ITGA5: variants seen among roughly 807,000 people sequenced by gnomAD.
The protein encoded by ITGA5 is integrin subunit alpha 5, also known as integrin alpha-5.
ITGA5 carries 55 observed loss-of-function variants against 146.3 expected under a neutral mutation model. That is an observed-to-expected ratio of 0.38 (90% CI 0.30 to 0.47). The LOEUF (loss-of-function observed/expected upper bound fraction) is 0.47. Ranked by LOEUF, ITGA5 falls within the 20% of genes least tolerant of loss-of-function variation. The pLI is 0.99. For synonymous variants in ITGA5, 500 were observed against 531.8 expected (o/e 0.94, Z 0.82); for missense variants, 1,131 against 1,329.0 (o/e 0.85, Z 2.32).
Position 54,396,221 on chromosome 12 carries a change from A to T in ITGA5, c.*72T>A. The stretch of plus-strand genomic sequence containing the variant: ...GTCAGCACCTTCAAGAAGTACCCAG[A>T]CCCCTCCTTTTCAGTAGAATGAGGG... On this transcript the variant is annotated 3_prime_UTR_variant, in exon 30 of 30. Transcript: ENST00000293379. The T allele has an allele frequency of 8.1e-7, 1 of 1,236,502 alleles. No homozygotes were observed. Among genetic ancestry groups the T allele is most frequent in the South Asian group, 1.2e-5 (1 of 82,314 alleles). 76.6% of individuals were successfully genotyped at this position (1,236,502 alleles called of 1,614,324 possible). A position where few individuals can be genotyped will look rare whatever the true frequency, so the allele number is the denominator to read the frequency against.
Position 54,401,914 on chromosome 12 carries a change from G to A in ITGA5, c.2227-59C>T, listed in dbSNP as rs1481276203. On this transcript the variant is annotated intron_variant, in intron 21 of 29. Coordinates refer to ENST00000293379, the MANE Select transcript of ITGA5 (RefSeq NM_002205.5). This position sits in a 1 kb window ranked among gnomAD's most constrained non-coding sequence, Gnocchi z 5.0. ...AGACTGTGTATTTCACCCTCCCTCCGCACCTCACAGCTGTGCTCTCGGCTG... is the reference window on the plus strand; with the variant it reads ...AGACTGTGTATTTCACCCTCCCTCCACACCTCACAGCTGTGCTCTCGGCTG... 1.2e-5 allele frequency: 19 copies of A among 1,590,828 alleles called. No individual in the cohort carries two copies. Among genetic ancestry groups the A allele is most frequent in the South Asian group, 3.3e-5 (3 of 90,582 alleles).
At chr12:54,418,859 G>A in intron 1 of ITGA5, 122 bp downstream of exon 1, 1 of 1,204,282 alleles carries the variant, frequency 8.3e-7, no homozygotes. Context: ...CCCAACTGCA[G>A]CTCTATTCCT....
rs202050846 is a variant in ITGA5, at chr12:54,405,369, T to C, written c.1022A>G (p.Asp341Gly). The C allele has an allele frequency of 1.2e-4, 190 of 1,604,398 alleles. 2 individuals are homozygous for C. In the East Asian group the frequency reaches 4.3e-3, roughly 36 times the overall value. Residue 341 changes from aspartate to glycine, a missense_variant, in exon 12 of 30, where the codon GAT (aspartate) becomes GGT (glycine). Physicochemically the swap from Asp to Gly is moderately conservative, Grantham distance 94. Transcript: ENST00000293379. ...CAGGGGTGCCCCCACCAGCAAGTCA[T>C]CCAGCCTGAGGGGAAGGGCAAACCC... Reference protein sequence around the residue: ...AATDVNGDGLDDLLVGAPLLM... With the variant: ...AATDVNGDGLGDLLVGAPLLM...
chr12:54,404,509 AG>A, intron 13 of ITGA5, 34 bp from the exon 14 acceptor site: 1 of 1,612,834 alleles, frequency 6.2e-7, no homozygotes, highest in Non-Finnish European at 8.5e-7. Context: ...TCTTACAGCA[AG>A]CCCCAGATCA....
intron 27 of ITGA5, 57 bp downstream of exon 27, chr12:54,399,588 G>T: frequency 8.1e-7 from 1 of 1,233,278 alleles, no homozygotes; most frequent in Non-Finnish European, 1.2e-6. Flanking sequence ...GAAAGGGGTG[G>T]GTCAGTCTAA....
intron 19 of ITGA5, 124 bp from the exon 20 acceptor site, chr12:54,402,454 T>G (rs1189425435): frequency 1.2e-6 from 1 of 859,208 alleles, no homozygotes; most frequent in Non-Finnish European, 1.8e-6. Context: ...CCCAGCACTT[T>G]GGGAGGCTGA....
chr12:54,411,972 G>A lies in ITGA5; in HGVS notation c.219-8C>T. The A allele has an allele frequency of 6.4e-7, 1 of 1,563,144 alleles. No individual in the cohort carries two copies. The stretch of plus-strand genomic sequence containing the variant: ...CCCACCAGCACACTGACCCTGTGGG[G>A]GGGAAAAGCGAGGCAGTTGAGGATG... On this transcript the variant is annotated splice_polypyrimidine_tract_variant and splice_region_variant and intron_variant, in intron 1 of 29. Coordinates refer to ENST00000293379, the MANE Select transcript of ITGA5 (RefSeq NM_002205.5).
chr12:54,396,740 G>A (rs1008069248), intron 29 of ITGA5, among the ~76,000 whole-genome samples: 1 of 152,198 alleles, frequency 6.6e-6, no homozygotes, highest in Non-Finnish European at 1.5e-5. Flanking sequence ...CTGGAGTGCA[G>A]TGGCATGATC....
At chr12:54,398,437 T>G (rs977246787) in intron 28 of ITGA5, among the ~76,000 whole-genome samples, 160 bp downstream of exon 28, 31 of 152,314 alleles carry the variant, frequency 2.0e-4, no homozygotes, top group African/African-American at 7.5e-4. Context: ...ATGTTGATCT[T>G]GCTTACCACT....
intron 1 of ITGA5, chr12:54,413,429 G>T (rs1419210335): frequency 6.6e-6 from 1 of 152,408 alleles, no homozygotes. Context: ...CTGAAGTTAG[G>T]AGGGGTGGGG....
rs749141980 is a variant in ITGA5 at position 54,399,896 on chromosome 12, G to C, written c.2695C>G (p.Arg899Gly). Residue 899 changes from arginine to glycine, a missense_variant, in exon 26 of 30, where the codon CGC (arginine) becomes GGC (glycine). Around this residue, in one of 3 missense-constraint regions of ITGA5, gnomAD observed 889 missense variants for 1,021.5 expected, o/e 0.87. Transcript: ENST00000293379. ...HHQQKREAPSRSSASSGPQIL... is the reference protein window; with the variant it reads ...HHQQKREAPSGSSASSGPQIL... The stretch of plus-strand genomic sequence containing the variant: ...TGAGGTCCCGAGGAAGCAGAGCTGC[G>C]GCTTGGAGCTTCCCGTTTTTGCTGG... 1.9e-6 allele frequency: 3 copies of C among 1,614,144 alleles called. No homozygotes were observed. The highest frequency in any genetic ancestry group is 2.5e-6 in the Non-Finnish European group (3 of 1,180,006).
At chr12:54,407,567 T>G in intron 9 of ITGA5, 82 bp downstream of exon 9, 1 of 1,183,716 alleles carries the variant, frequency 8.4e-7, no homozygotes. Flanking sequence ...TCCACCTTTT[T>G]GAGCCCTTGC....
At chr12:54,402,599 G>T (rs945648922) in intron 19 of ITGA5, among the ~76,000 whole-genome samples, 1 of 151,902 alleles carries the variant, frequency 6.6e-6, no homozygotes, top group Non-Finnish European at 1.5e-5. Flanking sequence ...TACTTGGGAC[G>T]CTGAGGCAGA....
Position 54,408,919 on chromosome 12 carries a change from C to T in ITGA5, c.619G>A (p.Gly207Arg). The change falls in exon 5 of 30, where the codon GGA becomes AGA. Residue 207 changes from glycine (G) to arginine (R), a missense_variant. Gly to Arg is a moderately radical substitution (Grantham distance 125, BLOSUM62 -2). Transcript: ENST00000293379. ...TTGGTGAACTCGGCACTGAAGCCTC[C>T]TTGGCAGTAACCCTGTCCTGCTGCC... ...SWAAGQGYCQ[G>R]GFSAEFTKTG... The T allele has an allele frequency of 6.2e-7, 1 of 1,614,122 alleles. No individual in the cohort carries two copies. Among genetic ancestry groups the T allele is most frequent in the Non-Finnish European group, 8.5e-7 (1 of 1,180,038 alleles).
At chr12:54,406,049 G>A in intron 9 of ITGA5, 123 bp from the exon 10 acceptor site, 1 of 826,558 alleles carries the variant, frequency 1.2e-6, no homozygotes, top group Non-Finnish European at 2.1e-6. Flanking sequence ...ACTGTCCCTA[G>A]CTCCCTCTTC....
intron 27 of ITGA5, among the ~76,000 whole-genome samples, chr12:54,399,442 G>C (rs1228722174): frequency 2.0e-5 from 3 of 152,084 alleles, no homozygotes; most frequent in Non-Finnish European, 4.4e-5. Flanking sequence ...GAATGGGCCA[G>C]GAAAGGGAAG....
At chr12:54,406,431 C>A (rs901159653) in intron 9 of ITGA5, among the ~76,000 whole-genome samples, 4 of 152,202 alleles carry the variant, frequency 2.6e-5, no homozygotes, top group Admixed American at 2.6e-4. Context: ...CCTCTTGAAT[C>A]CTGGTGTGAG....
chr12:54,408,931 C>T lies in ITGA5; in HGVS notation c.607G>A (p.Gly203Ser). The T allele has an allele frequency of 6.2e-7, 1 of 1,614,122 alleles. No homozygotes were observed. Among genetic ancestry groups the T allele is most frequent in the Non-Finnish European group, 8.5e-7 (1 of 1,180,034 alleles). ...GCACTGAAGCCTCCTTGGCAGTAAC[C>T]CTGTCCTGCTGCCCAGCTGAAATCT... ...RSDFSWAAGQGYCQGGFSAEF... is the reference protein window; with the variant it reads ...RSDFSWAAGQSYCQGGFSAEF... The change falls in exon 5 of 30, where the codon GGT (glycine) becomes AGT (serine). Residue 203 changes from glycine (G) to serine (S), a missense_variant. By Grantham distance (56) the Gly-to-Ser change is moderately conservative (BLOSUM62 0). This residue lies in a region of ITGA5 where 67 missense variants were observed against 128.2 expected (regional missense o/e 0.52). Transcript: ENST00000293379.
At chr12:54,411,584 G>A (rs1427611444) in intron 2 of ITGA5, among the ~76,000 whole-genome samples, 2 of 152,210 alleles carry the variant, frequency 1.3e-5, no homozygotes, top group Admixed American at 1.3e-4. Context: ...CCAGAATTGT[G>A]GGTGATTCAG....
Sources: allele counts gnomAD v4.1 joint callset (sites outside exome capture counted in the v4.1 genomes callset), GRCh38; gene constraint gnomAD v4.1.1; regional missense constraint gnomAD v4.1.1; non-coding constraint Gnocchi (gnomAD v3.1); transcripts MANE v1.5; gene names NCBI Gene and HGNC (gene_info 2026-07-23, HGNC 2026-07-21).